SPAG16: variants seen among roughly 807,000 people sequenced by gnomAD.
SPAG16 encodes sperm-associated antigen 16 protein.
SPAG16 carries 86 observed loss-of-function variants against 80.4 expected under a neutral mutation model. The observed-to-expected ratio is 1.07, with a 90% CI of 0.90 to 1.28. The LOEUF (loss-of-function observed/expected upper bound fraction) is 1.28. Among genes scored for constraint, SPAG16 ranks in the 50% most tolerant of loss-of-function variants. The pLI, the probability that SPAG16 is intolerant of heterozygous loss-of-function variation, is 0.00. For synonymous variants in SPAG16, 294 were observed against 265.9 expected (o/e 1.11, Z -1.03); for missense variants, 870 against 765.3 (o/e 1.14, Z -1.61).
At chr2:213,836,147 A>G (rs1295179655) in intron 10 of SPAG16, among the ~76,000 whole-genome samples, 1 of 150,530 alleles carries the variant, frequency 6.6e-6, no homozygotes, top group East Asian at 2.0e-4. Context: ...ACCAATTCAA[A>G]CTAAAAACTT....
At chr2:214,139,303 A>G (rs2055226445) in intron 14 of SPAG16, among the ~76,000 whole-genome samples, 2 of 151,964 alleles carry the variant, frequency 1.3e-5, no homozygotes, top group African/African-American at 4.8e-5. Context: ...TTTAATCTCT[A>G]CCATATTTTT....
chr2:213,473,983 T>C (rs2073235995), intron 9 of SPAG16, among the ~76,000 whole-genome samples: 3 of 152,130 alleles, frequency 2.0e-5, no homozygotes, highest in African/African-American at 7.2e-5. Context: ...TCAGGGGAAG[T>C]CATCACTGTT....
At chr2:213,827,456 G>A (rs1042818773) in intron 10 of SPAG16, among the ~76,000 whole-genome samples, 2 of 151,812 alleles carry the variant, frequency 1.3e-5, no homozygotes, top group African/African-American at 4.8e-5. Context: ...AAGAAAACTT[G>A]TATAAGTTCT....
At chr2:213,652,252 G>C (rs2063051085) in intron 10 of SPAG16, among the ~76,000 whole-genome samples, 1 of 152,024 alleles carries the variant, frequency 6.6e-6, no homozygotes, top group Non-Finnish European at 1.5e-5. Context: ...GTCTCATTAT[G>C]TTCTGTATTT....
At chr2:213,831,034 CTTTTTTTTT>C (rs34523016) in intron 10 of SPAG16, among the ~76,000 whole-genome samples, 1 of 80,800 alleles carries the variant, frequency 1.2e-5, no homozygotes, top group South Asian at 4.4e-4. Flanking sequence ...TGAAACATGA[CTTTTTTTTT>C]TTTTTTTTTT....
At chr2:213,980,712 G>GTGTA (rs1469351640) in intron 12 of SPAG16, among the ~76,000 whole-genome samples, 1,672 of 113,852 alleles carry the variant, frequency 0.015, 85 homozygotes, top group African/African-American at 0.061. Flanking sequence ...GTGTGTGTGT[G>GTGTA]TATATATATA....
At chr2:214,317,192 A>G (rs1695755322) in intron 15 of SPAG16, among the ~76,000 whole-genome samples, 1 of 152,192 alleles carries the variant, frequency 6.6e-6, no homozygotes, top group Non-Finnish European at 1.5e-5. Flanking sequence ...AACCACATCC[A>G]AGAGTGTTCA....
At chr2:214,196,017 A>G (rs2057826392) in intron 15 of SPAG16, among the ~76,000 whole-genome samples, 1 of 152,008 alleles carries the variant, frequency 6.6e-6, no homozygotes, top group South Asian at 2.1e-4. Flanking sequence ...AAAAATGTTC[A>G]AAATAAGTGT....
intron 12 of SPAG16, among the ~76,000 whole-genome samples, chr2:213,970,892 T>C (rs538629751): frequency 9.9e-5 from 15 of 152,198 alleles, no homozygotes; most frequent in Non-Finnish European, 4.4e-5. Flanking sequence ...ACAGAACAGG[T>C]CTAATTTTCA....
intron 10 of SPAG16, among the ~76,000 whole-genome samples, chr2:213,515,424 G>T (rs1372768513): frequency 1.3e-5 from 2 of 152,116 alleles, no homozygotes; most frequent in Non-Finnish European, 2.9e-5. Flanking sequence ...TCCCTAGCTA[G>T]TCTATTGCCC....
intron 15 of SPAG16, among the ~76,000 whole-genome samples, chr2:214,325,396 C>T (rs1475429387): frequency 1.3e-5 from 2 of 152,130 alleles, no homozygotes; most frequent in African/African-American, 4.8e-5. Context: ...TAATAGCTAG[C>T]CTGTCAGCCA....
chr2:214,299,966 T>C (rs959466636), intron 15 of SPAG16, among the ~76,000 whole-genome samples: 2 of 152,166 alleles, frequency 1.3e-5, no homozygotes, highest in Non-Finnish European at 2.9e-5. Context: ...TAAGGGACTT[T>C]TATCAACTTT....
chr2:214,409,754 T>C (rs1702194894), intron 15 of SPAG16, among the ~76,000 whole-genome samples: 1 of 152,224 alleles, frequency 6.6e-6, no homozygotes, highest in South Asian at 2.1e-4. Flanking sequence ...TTTTGAAAGC[T>C]ATGCCTTTTA....
intron 3 of SPAG16, among the ~76,000 whole-genome samples, chr2:213,308,135 T>G (rs961792101): frequency 6.6e-6 from 1 of 152,138 alleles, no homozygotes; most frequent in African/African-American, 2.4e-5. Context: ...AGACGATGAT[T>G]GTTTTATTTT....
At chr2:213,677,764 G>A (rs374627131) in intron 10 of SPAG16, among the ~76,000 whole-genome samples, 9 of 152,122 alleles carry the variant, frequency 5.9e-5, no homozygotes, top group Admixed American at 2.0e-4. Flanking sequence ...TGCACCAAGC[G>A]GACCTAATAG....
chr2:213,373,179 G>C (rs1236185226), intron 8 of SPAG16, among the ~76,000 whole-genome samples: 2 of 152,002 alleles, frequency 1.3e-5, no homozygotes, highest in African/African-American at 4.8e-5. Context: ...GACTTTGCTG[G>C]GATATTACTC....
chr2:213,405,625 TC>T (rs534008872), intron 9 of SPAG16, among the ~76,000 whole-genome samples: 4 of 152,196 alleles, frequency 2.6e-5, no homozygotes, highest in Non-Finnish European at 4.4e-5. Context: ...CTCTGCCTTT[TC>T]TCTCCCACCT....
intron 10 of SPAG16, among the ~76,000 whole-genome samples, chr2:213,806,485 A>C (rs1326740694): frequency 1.3e-5 from 2 of 152,180 alleles, no homozygotes; most frequent in Non-Finnish European, 2.9e-5. Flanking sequence ...AGATTTTGGA[A>C]TTAAATTAAT....
chr2:213,928,339 C>A (rs1446728031), intron 11 of SPAG16, among the ~76,000 whole-genome samples: 1 of 151,678 alleles, frequency 6.6e-6, no homozygotes, highest in Non-Finnish European at 1.5e-5. Flanking sequence ...TGATCTGCCC[C>A]CCTCGACCTC....
Sources: gnomAD v4.1 joint callset for allele counts (sites outside exome capture counted in the v4.1 genomes callset) on GRCh38, gnomAD v4.1.1 for gene constraint, MANE v1.5 for transcripts, NCBI Gene and HGNC (gene_info 2026-07-23, HGNC 2026-07-21) for gene names.